SNAP29: variants seen among roughly 807,000 people sequenced by gnomAD.
SNAP29 encodes the protein synaptosomal-associated protein 29.
In SNAP29, 13 loss-of-function variants were observed where a neutral mutation model predicts 27.9. That is an observed-to-expected ratio of 0.47 (90% CI 0.30 to 0.74). SNAP29 has a LOEUF of 0.74. Ranked by LOEUF, SNAP29 falls within the 30% of genes least tolerant of loss-of-function variation. SNAP29 has a pLI of 0.06. For missense variants in SNAP29, 368 were observed against 336.5 expected (o/e 1.09, Z -0.73); for synonymous variants, 119 against 127.1 (o/e 0.94, Z 0.43).
intron 1 of SNAP29, among the ~76,000 whole-genome samples, chr22:20,866,499 CACAGTATTGATGCCCTTCCG>C (rs1928463310): frequency 6.6e-6 from 1 of 152,196 alleles, no homozygotes; most frequent in Non-Finnish European, 1.5e-5. Context: ...GTATGAGAAA[CACAGTATTGATGCCCTTCCG>C]TCAGGAACCT....
At chr22:20,863,851 G>A (rs1444351652) in intron 1 of SNAP29, among the ~76,000 whole-genome samples, 1 of 151,852 alleles carries the variant, frequency 6.6e-6, no homozygotes, top group Non-Finnish European at 1.5e-5. Flanking sequence ...GGATAAAAAT[G>A]GGTTTTTTTT....
At position 20,874,950 on chromosome 22, in the gene SNAP29, G is replaced by A. The variant is rs537816958; in HGVS notation, c.434+4417G>A. ...GCAGAGTGAGCCCTTGGAGGAGTGG[G>A]AAGCTGGCAAGTTTGTGACTAGCAC... On this transcript the variant is annotated intron_variant, in intron 2 of 4. Transcript: ENST00000215730. 5.9e-5 allele frequency among the ~76,000 whole-genome samples: 9 copies of A among 152,216 alleles called. No homozygotes were observed. The East Asian group carries it at 1.7e-3, about 29-fold the overall frequency.
rs776439398 is a variant in SNAP29 at position 20,887,792 on chromosome 22, G to A, written c.733G>A (p.Asp245Asn). The part of the protein sequence containing the change: ...DRLTTKVDKL[D>N]VNIKSTERKV... The stretch of plus-strand genomic sequence containing the variant: ...GCTGACAACCAAAGTGGACAAGTTA[G>A]ATGTCAACATAAAAAGCACAGAAAG... The change falls in exon 5 of 5, where the codon GAT becomes AAT. Residue 245 changes from aspartate (D) to asparagine (N), a missense_variant. Transcript: ENST00000215730. 2 of 1,614,226 alleles carry A rather than the reference G, an allele frequency of 1.2e-6. No homozygotes were observed. The highest frequency in any genetic ancestry group is 4.5e-5 in the East Asian group (2 of 44,886).
At chr22:20,863,155 G>A (rs867311912) in intron 1 of SNAP29, among the ~76,000 whole-genome samples, 3 of 152,078 alleles carry the variant, frequency 2.0e-5, no homozygotes, top group Non-Finnish European at 2.9e-5. Context: ...TCCCAGTGCT[G>A]GATTACAGGC....
At chr22:20,886,643 G>T (rs754959130) in intron 4 of SNAP29, among the ~76,000 whole-genome samples, 3 of 146,398 alleles carry the variant, frequency 2.0e-5, no homozygotes, top group African/African-American at 7.6e-5. Flanking sequence ...ACGGAGTCTT[G>T]CTCTGTCGCC....
At chr22:20,881,282 C>G in intron 3 of SNAP29, 148 bp downstream of exon 3, 1 of 685,800 alleles carries the variant, frequency 1.5e-6, no homozygotes, top group Non-Finnish European at 2.7e-6. Flanking sequence ...AGCCAAAGGG[C>G]CTTAGGGACC....
intron 2 of SNAP29, among the ~76,000 whole-genome samples, chr22:20,874,349 C>CCACACACA (rs361854): frequency 1.4e-4 from 17 of 123,570 alleles, no homozygotes; most frequent in African/African-American, 3.8e-4. Flanking sequence ...CGAAAATTAG[C>CCACACACA]CACACACACA....
At position 20,890,243 on chromosome 22, in the gene SNAP29, CTT is replaced by C; in HGVS notation, c.*2410_*2411del. ...GGAAGACGTAACATGGCTCCAGAAA[CTT>C]TTCACATGATGATTGGGATCGACAA... On this transcript the variant is annotated 3_prime_UTR_variant, in exon 5 of 5. Coordinates refer to ENST00000215730, the MANE Select transcript of SNAP29 (RefSeq NM_004782.4). 2 of 398,528 alleles carry C rather than the reference CTT, an allele frequency of 5.0e-6. No homozygotes were observed. The highest frequency in any genetic ancestry group is 3.6e-5 in the East Asian group (1 of 28,076). 24.7% of individuals were successfully genotyped at this position (398,528 alleles called of 1,614,324 possible). A position where few individuals can be genotyped will look rare whatever the true frequency, so the allele number is the denominator to read the frequency against.
intron 2 of SNAP29, 119 bp downstream of exon 2, chr22:20,870,652 C>A (rs758171538): frequency 1.0e-5 from 9 of 894,998 alleles, no homozygotes; most frequent in Non-Finnish European, 1.6e-5. Context: ...TTAAGTTACT[C>A]ATCAGGGGAT....
Position 20,889,463 on chromosome 22 carries a change from G to A in SNAP29, c.*1627G>A, listed in dbSNP as rs1929099910. 6.6e-6 allele frequency: 1 copy of A among 152,152 alleles called. No homozygotes were observed. Among genetic ancestry groups the A allele is most frequent in the Non-Finnish European group, 1.5e-5 (1 of 68,042 alleles). The allele number at this position is 152,152 out of a possible 1,614,324, so 9.4% of individuals were successfully genotyped here. On this transcript the variant is annotated 3_prime_UTR_variant, in exon 5 of 5. Coordinates refer to ENST00000215730, the MANE Select transcript of SNAP29 (RefSeq NM_004782.4). ...ATTAACGACCATCCCAGGGTGTGAG[G>A]GCCTGATTAAAGCTTATCGAACTAG...
chr22:20,883,283 C>T (rs780275270), intron 3 of SNAP29, among the ~76,000 whole-genome samples, 188 bp from the exon 4 acceptor site: 11 of 152,134 alleles, frequency 7.2e-5, no homozygotes, highest in Non-Finnish European at 1.6e-4. Flanking sequence ...TCTCCTACCC[C>T]GTGGAAGCGT....
intron 2 of SNAP29, among the ~76,000 whole-genome samples, chr22:20,879,261 C>T (rs5752191): frequency 0.069 from 10,380 of 150,324 alleles, 351 homozygotes; most frequent in East Asian, 0.08. Flanking sequence ...GAGCCGAGAT[C>T]GTGCCACTGC....
At chr22:20,878,686 AG>A (rs1001438061) in intron 2 of SNAP29, among the ~76,000 whole-genome samples, 10 of 152,106 alleles carry the variant, frequency 6.6e-5, no homozygotes, top group Admixed American at 6.6e-4. Context: ...AGCGCTGTGC[AG>A]GGGGAGGGCA....
At chr22:20,872,526 G>A (rs538373270) in intron 2 of SNAP29, among the ~76,000 whole-genome samples, 3 of 151,962 alleles carry the variant, frequency 2.0e-5, no homozygotes, top group Non-Finnish European at 2.9e-5. Flanking sequence ...TCAGCCTCCC[G>A]AGTAGCTGGG....
chr22:20,868,619 A>C (rs1928515006), intron 1 of SNAP29, among the ~76,000 whole-genome samples: 1 of 151,904 alleles, frequency 6.6e-6, no homozygotes, highest in Non-Finnish European at 1.5e-5. Context: ...TATATCTAAA[A>C]AACATTTGCA....
At chr22:20,861,117 G>GTTTTT (rs1491578419) in intron 1 of SNAP29, among the ~76,000 whole-genome samples, 2 of 105,028 alleles carry the variant, frequency 1.9e-5, no homozygotes, top group Non-Finnish European at 1.9e-5. Context: ...ACCTCCCTGT[G>GTTTTT]GTTTTTTTTT....
At chr22:20,881,534 C>G (rs1928891338) in intron 3 of SNAP29, among the ~76,000 whole-genome samples, 1 of 152,028 alleles carries the variant, frequency 6.6e-6, no homozygotes, top group Non-Finnish European at 1.5e-5. Flanking sequence ...TGGTGAAACC[C>G]TGTCTCTACT....
At chr22:20,859,503 A>T (rs369706586) in intron 1 of SNAP29, 156 bp downstream of exon 1, 1 of 666,266 alleles carries the variant, frequency 1.5e-6, no homozygotes, top group Non-Finnish European at 2.8e-6. Flanking sequence ...TCTGTTAACT[A>T]TGTAAAGGTA....
intron 2 of SNAP29, among the ~76,000 whole-genome samples, chr22:20,875,731 A>C (rs1227842166): frequency 1.3e-5 from 2 of 152,152 alleles, no homozygotes; most frequent in African/African-American, 4.8e-5. Context: ...AAGGCAGGAC[A>C]ATCACTTGGG....
Sources: gnomAD v4.1 joint callset for allele counts (sites outside exome capture counted in the v4.1 genomes callset) on GRCh38, gnomAD v4.1.1 for gene constraint, MANE v1.5 for transcripts, NCBI Gene and HGNC (gene_info 2026-07-23, HGNC 2026-07-21) for gene names.